The following PACS1 variants were observed in gnomAD, a reference collection of about 807,000 sequenced individuals.
PACS1 encodes phosphofurin acidic cluster sorting protein 1.
PACS1 carries 24 observed loss-of-function variants against 115.0 expected under a neutral mutation model. That is an observed-to-expected ratio of 0.21 (90% CI 0.15 to 0.29). The LOEUF is 0.29. PACS1 is among the 10% of genes least tolerant of loss of function. The pLI is 1.00. For missense variants in PACS1, 838 were observed against 1,251.2 expected (o/e 0.67, Z 4.98); for synonymous variants, 453 against 504.5 (o/e 0.90, Z 1.37).
At chr11:66,214,868 C>T (rs747226758) in intron 4 of PACS1, among the ~76,000 whole-genome samples, 24 of 151,950 alleles carry the variant, frequency 1.6e-4, no homozygotes, top group Non-Finnish European at 2.8e-4. Context: ...GCAATCTGCC[C>T]GCCTCAGCCT....
In PACS1 at chr11:66,172,737, G is replaced by A. The variant is rs538394041; in HGVS notation, c.357-20749G>A. On this transcript the variant is annotated intron_variant, in intron 1 of 23. Transcript: ENST00000320580. ...CGGTGGCTCACATCTCAGCACTTTG[G>A]GAGGCCGAGGCAGCCAGATCACAAG... 7.9e-5 allele frequency among the ~76,000 whole-genome samples: 12 copies of A among 152,242 alleles called. No individual in the cohort carries two copies. The South Asian group carries it at 1.2e-3, about 16-fold the overall frequency.
intron 1 of PACS1, among the ~76,000 whole-genome samples, chr11:66,114,578 T>C (rs373193440): frequency 1.3e-5 from 2 of 152,180 alleles, no homozygotes; most frequent in African/African-American, 2.4e-5. Flanking sequence ...TTCACTCTAA[T>C]AGTCAAAAAA....
At chr11:66,084,145 G>T in intron 1 of PACS1, 1 of 152,408 alleles carries the variant, frequency 6.6e-6, no homozygotes. Context: ...GGGGATAAGT[G>T]GGCAGAGGAA....
At position 66,220,661 on chromosome 11, in the gene PACS1, G is replaced by C; in HGVS notation, c.1069G>C (p.Glu357Gln). 1.2e-6 allele frequency: 2 copies of C among 1,614,142 alleles called. No homozygotes were observed. The change falls in exon 9 of 24, where the codon GAG (glutamate) becomes CAG (glutamine). Residue 357 changes from glutamate to glutamine, a missense_variant. Transcript: ENST00000320580. ...VGFGLEHVSR[E>Q]QIREVEEDLD... ...CTTTGGGCTGGAGCATGTGTCCCGC[G>C]AGCAGATCCGGGAAGTGGAAGAGGA...
Position 66,243,350 on chromosome 11 carries a change from C to A in PACS1, c.*70C>A. 9.3e-7 allele frequency: 1 copy of A among 1,079,104 alleles called. No homozygotes were observed. Among genetic ancestry groups the A allele is most frequent in the Non-Finnish European group, 1.4e-6 (1 of 732,862 alleles). 66.8% of individuals were successfully genotyped at this position (1,079,104 alleles called of 1,614,324 possible). ...CTCACCGCCTGCGGGCAGGGGGAGG[C>A]CAGCAGGCCCGGGCCCAGCACCCCT... is the stretch of plus-strand genomic sequence containing the variant. On this transcript the variant is annotated 3_prime_UTR_variant, in exon 24 of 24. Transcript: ENST00000320580.
At chr11:66,127,475 G>T (rs577841227) in intron 1 of PACS1, among the ~76,000 whole-genome samples, 1 of 152,220 alleles carries the variant, frequency 6.6e-6, no homozygotes, top group Admixed American at 6.5e-5. Context: ...TCACTCATAC[G>T]TGCTGTCTGT....
intron 1 of PACS1, among the ~76,000 whole-genome samples, chr11:66,112,651 T>C (rs2134547808): frequency 6.6e-6 from 1 of 152,304 alleles, no homozygotes; most frequent in South Asian, 2.1e-4. Flanking sequence ...TTTATATCTA[T>C]TTGTTGAATA....
chr11:66,238,139 A>G (rs1484987355), intron 19 of PACS1: 1 of 985,028 alleles, frequency 1.0e-6, no homozygotes, highest in Non-Finnish European at 1.2e-6. Context: ...AGAATTCTCT[A>G]TGGAGAATTG....
chr11:66,079,786 C>T (rs1002739433), intron 1 of PACS1, among the ~76,000 whole-genome samples: 2 of 152,152 alleles, frequency 1.3e-5, no homozygotes, highest in Admixed American at 6.5e-5. Flanking sequence ...TAAAAAAGAT[C>T]CCCTTTTCAT....
intron 1 of PACS1, among the ~76,000 whole-genome samples, chr11:66,082,507 A>C (rs951417665): frequency 3.9e-5 from 6 of 152,186 alleles, no homozygotes; most frequent in African/African-American, 1.4e-4. Context: ...ACCTTAAAAA[A>C]AAACAAACAA....
chr11:66,186,009 G>A (rs1252560549), intron 1 of PACS1, among the ~76,000 whole-genome samples: 2 of 152,154 alleles, frequency 1.3e-5, no homozygotes, highest in Admixed American at 6.5e-5. Context: ...GCTCACACCT[G>A]TGATTTCAGC....
intron 2 of PACS1, among the ~76,000 whole-genome samples, chr11:66,203,871 TTAAC>T (rs889811926): frequency 5.7e-5 from 7 of 123,806 alleles, no homozygotes; most frequent in Admixed American, 4.3e-4. Flanking sequence ...GACTGGAGAC[TTAAC>T]TCTAATACCT....
chr11:66,228,487 T>C (rs1012626157), intron 11 of PACS1, among the ~76,000 whole-genome samples: 1 of 152,226 alleles, frequency 6.6e-6, no homozygotes, highest in African/African-American at 2.4e-5. Flanking sequence ...TGAATAATCC[T>C]ACTTCCACCG....
intron 1 of PACS1, among the ~76,000 whole-genome samples, chr11:66,080,076 G>A (rs539669913): frequency 1.1e-4 from 16 of 152,326 alleles, no homozygotes; most frequent in African/African-American, 3.8e-4. Flanking sequence ...GCCATTACTG[G>A]AAATAATCTT....
chr11:66,243,179 G>A lies in PACS1; in HGVS notation c.2791G>A (p.Val931Ile), dbSNP rs1855850643. The A allele has an allele frequency of 1.2e-6, 2 of 1,613,534 alleles. No individual in the cohort carries two copies. The highest frequency in any genetic ancestry group is 2.7e-5 in the African/African-American group (2 of 74,884). The change falls in exon 24 of 24, where the codon GTC becomes ATC. Residue 931 changes from valine (V) to isoleucine (I), a missense_variant. Val to Ile is a conservative substitution (Grantham distance 29). Coordinates refer to ENST00000320580, the MANE Select transcript of PACS1 (RefSeq NM_018026.4). ...GTCACCCCTAGTGTCCATCGATGGG[G>A]TCGAGTGGAGTGACATCAAGTTCTT... ...QTMLRVSIDGVEWSDIKFFQL... is the reference protein window; with the variant it reads ...QTMLRVSIDGIEWSDIKFFQL...
intron 7 of PACS1, among the ~76,000 whole-genome samples, chr11:66,219,243 G>T (rs1034434140): frequency 3.9e-5 from 6 of 151,904 alleles, no homozygotes; most frequent in African/African-American, 1.5e-4. Flanking sequence ...GAGGATCTGG[G>T]GTAGCTAGAA....
At chr11:66,089,093 C>T (rs1226003043) in intron 1 of PACS1, among the ~76,000 whole-genome samples, 1 of 152,166 alleles carries the variant, frequency 6.6e-6, no homozygotes, top group African/African-American at 2.4e-5. Context: ...AGAATGTTTT[C>T]ACTCACATGA....
chr11:66,156,736 C>A (rs536594978), intron 1 of PACS1, among the ~76,000 whole-genome samples: 1 of 152,080 alleles, frequency 6.6e-6, no homozygotes, highest in African/African-American at 2.4e-5. Flanking sequence ...CACCTATAAT[C>A]CCAGCTACTC....
rs1174469459 is a variant in PACS1 at position 66,227,577 on chromosome 11, A to G, written c.1367A>G (p.Asp456Gly). 1 of 1,605,558 alleles carries G rather than the reference A, an allele frequency of 6.2e-7. No individual in the cohort carries two copies. The highest frequency in any genetic ancestry group is 1.7e-5 in the Admixed American group (1 of 59,444). ...CAAGATGACAGCTTGACTGAAACAG[A>G]CACTCTGGTATGTATGGGTCAGTTT... Reference protein sequence around the residue: ...KNQDDSLTETDTLEITDQDMF... With the variant: ...KNQDDSLTETGTLEITDQDMF... The change falls in exon 11 of 24, where the codon GAC (aspartate) becomes GGC (glycine). Residue 456 changes from aspartate to glycine, a missense_variant. Coordinates refer to ENST00000320580, the MANE Select transcript of PACS1 (RefSeq NM_018026.4).
Sources: gnomAD v4.1 joint callset for allele counts (sites outside exome capture counted in the v4.1 genomes callset) on GRCh38, gnomAD v4.1.1 for gene constraint, MANE v1.5 for transcripts, NCBI Gene and HGNC (gene_info 2026-07-23, HGNC 2026-07-21) for gene names.